HMCN1: variants seen among roughly 807,000 people sequenced by gnomAD.
HMCN1 encodes the protein hemicentin-1.
Under a neutral mutation model 625.9 loss-of-function variants are expected in HMCN1, and 321 were observed. That is an observed-to-expected ratio of 0.51 (90% CI 0.47 to 0.56). The LOEUF (loss-of-function observed/expected upper bound fraction) is 0.56, where lower values mean the gene tolerates loss of function less well. Among genes scored for constraint, HMCN1 ranks in the 20% least tolerant of loss-of-function variants. HMCN1 has a pLI of 0.00. For missense variants in HMCN1, 6,588 were observed against 6,887.3 expected, an observed-to-expected ratio of 0.96 and a Z score of 1.54; for synonymous variants, 2,425 against 2,417.6, an observed-to-expected ratio of 1.00 and a Z score of -0.09.
chr1:186,119,159 G>A, intron 77 of HMCN1, 32 bp from the exon 78 acceptor site: 4 of 1,488,950 alleles, frequency 2.7e-6, no homozygotes, highest in Non-Finnish European at 3.8e-6. Context: ...CTGAGATGCA[G>A]TATATATTAA....
intron 80 of HMCN1, 84 bp from the exon 81 acceptor site, chr1:186,122,867 T>G: frequency 7.2e-7 from 1 of 1,395,456 alleles, no homozygotes; most frequent in Non-Finnish European, 1.0e-6. Flanking sequence ...TATCAATGTT[T>G]GCTAGAGCAG....
intron 11 of HMCN1, among the ~76,000 whole-genome samples, chr1:185,958,777 A>G (rs1649803418): frequency 6.6e-6 from 1 of 152,162 alleles, no homozygotes; most frequent in African/African-American, 2.4e-5. Context: ...TGACTAGGCA[A>G]ATTATTTAAC....
chr1:185,781,079 A>G (rs925147220), intron 1 of HMCN1, among the ~76,000 whole-genome samples: 1 of 152,012 alleles, frequency 6.6e-6, no homozygotes, highest in African/African-American at 2.4e-5. Context: ...AGTCTTGGGA[A>G]GTTGTATGTG....
At chr1:186,153,310 G>A (rs1053862717) in intron 96 of HMCN1, among the ~76,000 whole-genome samples, 2 of 152,014 alleles carry the variant, frequency 1.3e-5, no homozygotes. Flanking sequence ...ATAATTAAAG[G>A]GTTCAAACTT....
At chr1:185,741,047 T>C (rs2102068545) in intron 1 of HMCN1, among the ~76,000 whole-genome samples, 1 of 152,176 alleles carries the variant, frequency 6.6e-6, no homozygotes, top group South Asian at 2.1e-4. Flanking sequence ...GAGTCTGGCT[T>C]CCTTGGTTTT....
intron 11 of HMCN1, among the ~76,000 whole-genome samples, chr1:185,954,840 T>C (rs1433551225): frequency 1.3e-5 from 2 of 152,184 alleles, no homozygotes; most frequent in Admixed American, 1.3e-4. Flanking sequence ...TGGAATTTCT[T>C]ATGCCCTCTT....
At chr1:186,073,514 A>G (rs1658602128) in intron 52 of HMCN1, among the ~76,000 whole-genome samples, 5 of 152,194 alleles carry the variant, frequency 3.3e-5, no homozygotes, top group Admixed American at 2.6e-4. Context: ...GTGGAAAGAA[A>G]TAAGTTAATG....
intron 86 of HMCN1, among the ~76,000 whole-genome samples, chr1:186,134,857 T>C (rs976842443): frequency 6.6e-6 from 1 of 152,180 alleles, no homozygotes; most frequent in Non-Finnish European, 1.5e-5. Context: ...TTCTCAAGAA[T>C]GTATATGCTG....
intron 1 of HMCN1, among the ~76,000 whole-genome samples, chr1:185,806,652 A>T (rs1272894264): frequency 6.6e-6 from 1 of 151,838 alleles, no homozygotes; most frequent in African/African-American, 2.4e-5. Flanking sequence ...CGAACCAAGC[A>T]TCTCTCACGT....
At chr1:186,039,645 G>A in intron 38 of HMCN1, 83 bp from the exon 39 acceptor site, 2 of 1,391,352 alleles carry the variant, frequency 1.4e-6, no homozygotes, top group Admixed American at 1.7e-5. Context: ...ACATAATATT[G>A]TAGACATTAG....
At chr1:185,809,643 T>C (rs1306597438) in intron 1 of HMCN1, among the ~76,000 whole-genome samples, 1 of 152,016 alleles carries the variant, frequency 6.6e-6, no homozygotes, top group Non-Finnish European at 1.5e-5. Flanking sequence ...CTGGAAATAA[T>C]AGTAAGTAGT....
chr1:185,783,649 G>T (rs1200918606), intron 1 of HMCN1, among the ~76,000 whole-genome samples: 2 of 152,206 alleles, frequency 1.3e-5, no homozygotes, highest in Non-Finnish European at 2.9e-5. Flanking sequence ...AGTGGAGGCT[G>T]CAAAACAGCA....
intron 2 of HMCN1, among the ~76,000 whole-genome samples, chr1:185,860,266 T>C (rs1379675157): frequency 6.6e-6 from 1 of 152,148 alleles, no homozygotes; most frequent in Non-Finnish European, 1.5e-5. Context: ...TGAGAACACT[T>C]ATAATCAATA....
At chr1:185,868,541 C>T (rs1342264313) in intron 4 of HMCN1, among the ~76,000 whole-genome samples, 1 of 152,108 alleles carries the variant, frequency 6.6e-6, no homozygotes, top group Non-Finnish European at 1.5e-5. Flanking sequence ...GCCCTTCTCT[C>T]TCCTGCCACT....
chr1:185,897,638 G>A (rs1029212075), intron 4 of HMCN1, among the ~76,000 whole-genome samples: 1 of 152,078 alleles, frequency 6.6e-6, no homozygotes, highest in African/African-American at 2.4e-5. Context: ...TCAATCTCAA[G>A]TATGCCTGGT....
chr1:186,132,833 C>A (rs10911828), intron 86 of HMCN1, among the ~76,000 whole-genome samples: 52,679 of 151,490 alleles, frequency 0.35, 10,276 homozygotes, highest in East Asian at 0.58. Flanking sequence ...GTGATGTTCC[C>A]CTTCCTGTGT....
At position 186,135,438 on chromosome 1, in the gene HMCN1, A is replaced by C. The variant is rs74330670; in HGVS notation, c.13313-1230A>C. Among the ~76,000 whole-genome samples the C allele has an allele frequency of 2.6e-3, 393 of 152,246 alleles. 3 individuals are homozygous for C. Among genetic ancestry groups the C allele is most frequent in the African/African-American group, 9.1e-3 (380 of 41,540 alleles). ...TCATTTTAGACTCTCTTCTGAAGCA[A>C]TCTTATTCACTATGAAAGACTCACA... is the stretch of plus-strand genomic sequence containing the variant. On this transcript the variant is annotated intron_variant, in intron 86 of 106. Coordinates refer to ENST00000271588, the MANE Select transcript of HMCN1 (RefSeq NM_031935.3).
At chr1:185,875,723 C>A (rs899992729) in intron 4 of HMCN1, among the ~76,000 whole-genome samples, 1 of 152,034 alleles carries the variant, frequency 6.6e-6, no homozygotes, top group African/African-American at 2.4e-5. Flanking sequence ...CTTCTCTTAT[C>A]CCAAATGTAT....
intron 1 of HMCN1, among the ~76,000 whole-genome samples, chr1:185,780,339 G>T (rs960881835): frequency 4.6e-5 from 7 of 152,056 alleles, no homozygotes; most frequent in Admixed American, 2.6e-4. Flanking sequence ...TGTCCTTTAT[G>T]TCTTTCTCCT....
Sources: gnomAD v4.1 joint callset for allele counts (sites outside exome capture counted in the v4.1 genomes callset) on GRCh38, gnomAD v4.1.1 for gene constraint, MANE v1.5 for transcripts, NCBI Gene and HGNC (gene_info 2026-07-23, HGNC 2026-07-21) for gene names.